The following EDIL3 variants were observed in gnomAD, a reference collection of about 807,000 sequenced individuals.
EDIL3 encodes EGF-like repeat and discoidin I-like domain-containing protein 3.
EDIL3 carries 37 observed loss-of-function variants against 67.4 expected under a neutral mutation model. That is an observed-to-expected ratio of 0.55 (90% CI 0.42 to 0.72). EDIL3 has a LOEUF of 0.72. Ranked by LOEUF, EDIL3 falls within the 30% of genes least tolerant of loss-of-function variation. The pLI is 0.00. For missense variants in EDIL3, 527 were observed against 586.3 expected (o/e 0.90, Z 1.04); for synonymous variants, 195 against 196.3 (o/e 0.99, Z 0.05).
At chr5:84,300,220 C>T (rs1328319736) in intron 1 of EDIL3, among the ~76,000 whole-genome samples, 2 of 152,184 alleles carry the variant, frequency 1.3e-5, no homozygotes, top group Non-Finnish European at 1.5e-5. Flanking sequence ...TTTTGGCCCT[C>T]TTACATCAGC....
chr5:84,048,590 C>G (rs1746272346), intron 9 of EDIL3, among the ~76,000 whole-genome samples: 1 of 151,696 alleles, frequency 6.6e-6, no homozygotes, highest in South Asian at 2.1e-4. Context: ...TGAAATAGAC[C>G]AAAAGATCAT....
chr5:84,050,916 A>C (rs1191073190), intron 9 of EDIL3, among the ~76,000 whole-genome samples: 1 of 152,190 alleles, frequency 6.6e-6, no homozygotes, highest in Non-Finnish European at 1.5e-5. Flanking sequence ...AAGGCAGTAG[A>C]AACCTCTGCA....
intron 1 of EDIL3, among the ~76,000 whole-genome samples, chr5:84,284,891 C>G (rs930149305): frequency 6.6e-6 from 1 of 152,092 alleles, no homozygotes; most frequent in Non-Finnish European, 1.5e-5. Flanking sequence ...AAGTAACATT[C>G]AGCATACAGA....
intron 1 of EDIL3, among the ~76,000 whole-genome samples, chr5:84,372,320 G>C (rs1264858975): frequency 6.6e-6 from 1 of 152,046 alleles, no homozygotes; most frequent in Non-Finnish European, 1.5e-5. Flanking sequence ...ATGTAAACTT[G>C]AGGAAAAACA....
intron 10 of EDIL3, among the ~76,000 whole-genome samples, chr5:83,954,534 CCTT>C (rs1181389444): frequency 2.0e-5 from 3 of 151,698 alleles, no homozygotes; most frequent in Non-Finnish European, 4.4e-5. Flanking sequence ...CCTTCTCCCT[CCTT>C]GACTTCCATC....
At chr5:84,257,878 C>A (rs1745149108) in intron 1 of EDIL3, among the ~76,000 whole-genome samples, 1 of 151,930 alleles carries the variant, frequency 6.6e-6, no homozygotes, top group Non-Finnish European at 1.5e-5. Context: ...CTTAGGCATA[C>A]CAACAAATAA....
At chr5:84,328,558 C>T (rs1424485563) in intron 1 of EDIL3, among the ~76,000 whole-genome samples, 3 of 151,972 alleles carry the variant, frequency 2.0e-5, no homozygotes, top group African/African-American at 7.2e-5. Flanking sequence ...GGGTCCTATG[C>T]CTAGGGTGTC....
intron 9 of EDIL3, among the ~76,000 whole-genome samples, chr5:84,057,533 A>C (rs998466834): frequency 1.3e-5 from 2 of 152,270 alleles, no homozygotes; most frequent in South Asian, 2.1e-4. Flanking sequence ...TAAGTTGATC[A>C]TTGTCAAGTC....
At chr5:84,033,521 C>T (rs1745964927) in intron 9 of EDIL3, among the ~76,000 whole-genome samples, 3 of 151,782 alleles carry the variant, frequency 2.0e-5, no homozygotes, top group African/African-American at 7.3e-5. Context: ...ACCAGCATGA[C>T]AAAACCCCGT....
intron 10 of EDIL3, among the ~76,000 whole-genome samples, chr5:83,948,659 G>A (rs975265266): frequency 2.0e-5 from 3 of 151,682 alleles, no homozygotes; most frequent in African/African-American, 7.3e-5. Context: ...AAACATTTTA[G>A]TTAGTGGTAT....
At chr5:84,171,244 A>G (rs575439246) in intron 4 of EDIL3, among the ~76,000 whole-genome samples, 1 of 152,204 alleles carries the variant, frequency 6.6e-6, no homozygotes, top group Non-Finnish European at 1.5e-5. Context: ...AAAGAAAAAA[A>G]TGTTTTACTG....
intron 9 of EDIL3, among the ~76,000 whole-genome samples, chr5:84,002,265 T>G (rs1745344692): frequency 6.6e-6 from 1 of 152,068 alleles, no homozygotes; most frequent in African/African-American, 2.4e-5. Context: ...TAACTGGGGA[T>G]AGAAGGAACA....
intron 6 of EDIL3, among the ~76,000 whole-genome samples, chr5:84,071,124 G>T (rs974959523): frequency 6.6e-6 from 1 of 152,162 alleles, no homozygotes; most frequent in Admixed American, 6.5e-5. Flanking sequence ...ATGGACTAAG[G>T]AGGTAAATCA....
At chr5:84,011,035 A>AAGGT (rs1252965307) in intron 9 of EDIL3, among the ~76,000 whole-genome samples, 1 of 152,182 alleles carries the variant, frequency 6.6e-6, no homozygotes, top group African/African-American at 2.4e-5. Context: ...CTCAGCGTGT[A>AAGGT]AGGTACCATC....
At chr5:84,156,948 C>T (rs1022207687) in intron 4 of EDIL3, among the ~76,000 whole-genome samples, 17 of 151,932 alleles carry the variant, frequency 1.1e-4, no homozygotes, top group African/African-American at 3.1e-4. Flanking sequence ...TCATAGACAC[C>T]GAAAGAGAAA....
At chr5:84,169,848 G>A (rs1382026817) in intron 4 of EDIL3, among the ~76,000 whole-genome samples, 1 of 152,056 alleles carries the variant, frequency 6.6e-6, no homozygotes, top group African/African-American at 2.4e-5. Flanking sequence ...GCTGCTATGA[G>A]TATCCAGGTA....
At chr5:84,214,455 A>G (rs73140567) in intron 3 of EDIL3, among the ~76,000 whole-genome samples, 1,995 of 151,928 alleles carry the variant, frequency 0.013, 35 homozygotes, top group African/African-American at 0.045. Flanking sequence ...AATACAATGT[A>G]AACAGTTGTT....
At chr5:83,962,863 T>C (rs1483043686) in intron 10 of EDIL3, among the ~76,000 whole-genome samples, 1 of 151,730 alleles carries the variant, frequency 6.6e-6, no homozygotes, top group Non-Finnish European at 1.5e-5. Flanking sequence ...GACAGTGGCA[T>C]ATATTCTAGC....
chr5:84,229,958 AAG>A (rs1478656449), intron 2 of EDIL3, 74 bp from the exon 3 acceptor site: 1 of 1,317,488 alleles, frequency 7.6e-7, no homozygotes, highest in East Asian at 2.3e-5. Context: ...GAGAGAAAGA[AAG>A]AGAAAAAGAG....
Sources: gnomAD v4.1 joint callset for allele counts (sites outside exome capture counted in the v4.1 genomes callset) on GRCh38, gnomAD v4.1.1 for gene constraint, MANE v1.5 for transcripts, NCBI Gene and HGNC (gene_info 2026-07-23, HGNC 2026-07-21) for gene names.